Variants in SKIC2 observed in about 807,000 individuals in gnomAD.
The protein encoded by SKIC2 is SKI2 subunit of superkiller complex, also known as superkiller complex protein 2.
chr6:31,963,496 G>T, the SKIC2 span: 52 of 1,611,482 alleles, frequency 3.2e-5, no homozygotes, highest in Admixed American at 8.4e-5. This position sits in a 1 kb window ranked among gnomAD's most constrained non-coding sequence, Gnocchi z 5.3. Context: ...ACAGGGAACA[G>T]CTCCAAGACC....
At chr6:31,969,716 A>G in the SKIC2 span, 19 of 1,588,514 alleles carry the variant, frequency 1.2e-5, no homozygotes, top group Non-Finnish European at 1.6e-5. This position sits in a 1 kb window ranked among gnomAD's most constrained non-coding sequence, Gnocchi z 6.1. Flanking sequence ...CACCCAGTGA[A>G]TGCCCCATGT....
At chr6:31,960,270 C>G in the SKIC2 span, 25 of 1,613,196 alleles carry the variant, frequency 1.5e-5, no homozygotes, top group Non-Finnish European at 2.1e-5. Context: ...GTCCTGGGAG[C>G]CCCAGTCCCA....
At chr6:31,962,206 GAA>G in the SKIC2 span, 2 of 957,906 alleles carry the variant, frequency 2.1e-6, no homozygotes, top group Non-Finnish European at 3.2e-6. This position sits in a 1 kb window ranked among gnomAD's most constrained non-coding sequence, Gnocchi z 5.0. Context: ...AGAGAGAAAT[GAA>G]AAGACATGGT....
the SKIC2 span, chr6:31,967,880 GTC>G: frequency 6.2e-7 from 1 of 1,612,952 alleles, no homozygotes; most frequent in Non-Finnish European, 8.5e-7. This position sits in a 1 kb window ranked among gnomAD's most constrained non-coding sequence, Gnocchi z 4.9. Flanking sequence ...TGTGGCAGAT[GTC>G]TGTTTTCTGC....
At chr6:31,959,916 C>T in the SKIC2 span, 4 of 890,660 alleles carry the variant, frequency 4.5e-6, no homozygotes, top group Non-Finnish European at 7.4e-6. Flanking sequence ...GACACATCTG[C>T]CATTTCTGAT....
the SKIC2 span, chr6:31,965,883 A>G: frequency 3.1e-6 from 5 of 1,613,012 alleles, no homozygotes; most frequent in Non-Finnish European, 3.4e-6. The surrounding 1 kb of genome is among the most constrained non-coding windows in gnomAD (Gnocchi z 5.6). Context: ...ACCTTCCGGG[A>G]CCTGCTCCCT....
chr6:31,969,255 C>T, the SKIC2 span: 4 of 1,613,358 alleles, frequency 2.5e-6, no homozygotes, highest in East Asian at 2.2e-5. This position sits in a 1 kb window ranked among gnomAD's most constrained non-coding sequence, Gnocchi z 6.1. Flanking sequence ...GAAGGCAGGC[C>T]TTAACCTCTC....
chr6:31,965,775 T>C, the SKIC2 span: 1 of 1,563,642 alleles, frequency 6.4e-7, no homozygotes, highest in Non-Finnish European at 8.8e-7. This position sits in a 1 kb window ranked among gnomAD's most constrained non-coding sequence, Gnocchi z 5.6. Flanking sequence ...TGTTCTCCTC[T>C]GTCCCAGGTC....
At chr6:31,963,962 A>T in the SKIC2 span, 1 of 1,612,286 alleles carries the variant, frequency 6.2e-7, no homozygotes, top group Non-Finnish European at 8.5e-7. The surrounding 1 kb of genome is among the most constrained non-coding windows in gnomAD (Gnocchi z 5.3). Flanking sequence ...ACACGTGCCC[A>T]GTTGCCCGTG....
At chr6:31,967,687 C>T in the SKIC2 span, 7 of 1,611,118 alleles carry the variant, frequency 4.3e-6, no homozygotes, top group African/African-American at 2.7e-5. This position sits in a 1 kb window ranked among gnomAD's most constrained non-coding sequence, Gnocchi z 4.9. Flanking sequence ...TCACACCCCC[C>T]TCTCCTGGCC....
chr6:31,967,381 A>G, the SKIC2 span: 1 of 1,605,736 alleles, frequency 6.2e-7, no homozygotes, highest in Non-Finnish European at 8.5e-7. The surrounding 1 kb of genome is among the most constrained non-coding windows in gnomAD (Gnocchi z 4.9). Context: ...CCTACAGGTG[A>G]GGGTGATGGG....
At chr6:31,960,036 C>T in the SKIC2 span, 4 of 1,612,912 alleles carry the variant, frequency 2.5e-6, no homozygotes, top group African/African-American at 2.7e-5. Flanking sequence ...CTCCTTGTGC[C>T]CCAGATCTGC....
the SKIC2 span, chr6:31,962,763 A>G: frequency 1.2e-6 from 2 of 1,612,632 alleles, no homozygotes; most frequent in Non-Finnish European, 1.7e-6. The surrounding 1 kb of genome is among the most constrained non-coding windows in gnomAD (Gnocchi z 5.0). Context: ...GGAGTGGGTC[A>G]TCTTTGATGA....
the SKIC2 span, chr6:31,965,855 C>T: frequency 2.2e-5 from 35 of 1,612,614 alleles, no homozygotes; most frequent in African/African-American, 2.9e-4. The surrounding 1 kb of genome is among the most constrained non-coding windows in gnomAD (Gnocchi z 5.6). Context: ...TGACTCCATG[C>T]GCAAACACGA....
the SKIC2 span, chr6:31,963,307 G>A: frequency 1.8e-6 from 2 of 1,094,264 alleles, no homozygotes; most frequent in African/African-American, 3.2e-5. The surrounding 1 kb of genome is among the most constrained non-coding windows in gnomAD (Gnocchi z 5.3). Context: ...TTCCATTCTG[G>A]GTCTCAGAAA....
At chr6:31,960,113 C>T in the SKIC2 span, 27 of 1,612,442 alleles carry the variant, frequency 1.7e-5, no homozygotes, top group African/African-American at 2.7e-5. Flanking sequence ...GTGGAGCACT[C>T]AGCCCGGTGA....
At chr6:31,966,079 C>T in the SKIC2 span, 1 of 1,022,788 alleles carries the variant, frequency 9.8e-7, no homozygotes, top group Non-Finnish European at 1.4e-6. This position sits in a 1 kb window ranked among gnomAD's most constrained non-coding sequence, Gnocchi z 5.9. Context: ...GTCTTCGATT[C>T]TCCTCTCTTC....
chr6:31,961,482 G>C, the SKIC2 span: 1 of 1,539,808 alleles, frequency 6.5e-7, no homozygotes, highest in Non-Finnish European at 8.8e-7. Context: ...GACATCTTTT[G>C]GGAGGAGTGC....
At chr6:31,969,314 T>C in the SKIC2 span, 3 of 1,614,110 alleles carry the variant, frequency 1.9e-6, no homozygotes, top group Non-Finnish European at 2.5e-6. This position sits in a 1 kb window ranked among gnomAD's most constrained non-coding sequence, Gnocchi z 6.1. Flanking sequence ...GCCAAGCGGA[T>C]TGGTGAGGTC....
Sources: allele counts gnomAD v4.1 joint callset, GRCh38; gene constraint gnomAD v4.1.1; non-coding constraint Gnocchi (gnomAD v3.1); transcripts MANE v1.5; gene names NCBI Gene and HGNC (gene_info 2026-07-23, HGNC 2026-07-21).